MTMR9: variants seen among roughly 807,000 people sequenced by gnomAD.
The protein encoded by MTMR9 is myotubularin related protein 9, also known as myotubularin-related protein 9.
A neutral mutation model predicts 69.5 loss-of-function variants in MTMR9; 39 were observed. The observed-to-expected ratio is 0.56, with a 90% CI of 0.43 to 0.73. The LOEUF is 0.73. MTMR9 is among the 30% of genes least tolerant of loss of function. The pLI is 0.00. For synonymous variants in MTMR9, 354 were observed against 240.8 expected, an observed-to-expected ratio of 1.47 and a Z score of -4.35; for missense variants, 900 against 671.2, an observed-to-expected ratio of 1.34 and a Z score of -3.77.
intron 9 of MTMR9, chr8:11,320,272 G>C: frequency 6.4e-6 from 1 of 155,694 alleles, no homozygotes; most frequent in Non-Finnish European, 1.4e-5. Context: ...TTCTATAAAT[G>C]GGCACAAAAT....
chr8:11,317,153 A>G (rs576320861), intron 8 of MTMR9: 1 of 255,236 alleles, frequency 3.9e-6, no homozygotes, highest in African/African-American at 2.2e-5. Flanking sequence ...ATTTCTTAAC[A>G]TAGGATCATA....
At chr8:11,309,030 A>T (rs776465101) in intron 5 of MTMR9, among the ~76,000 whole-genome samples, 11 of 152,164 alleles carry the variant, frequency 7.2e-5, no homozygotes, top group Non-Finnish European at 1.5e-4. Flanking sequence ...CTATTTTCGC[A>T]CAGTTTCCTC....
At chr8:11,310,818 C>T (rs998029030) in intron 6 of MTMR9, among the ~76,000 whole-genome samples, 5 of 127,644 alleles carry the variant, frequency 3.9e-5, no homozygotes, top group Non-Finnish European at 8.9e-5. Context: ...CCACATTTCT[C>T]AATTTTGCAG....
intron 9 of MTMR9, 22 bp downstream of exon 9, chr8:11,319,860 A>T: frequency 6.2e-7 from 1 of 1,613,124 alleles, no homozygotes; most frequent in Non-Finnish European, 8.5e-7. Flanking sequence ...ATCCTTTGCA[A>T]ACTTCTTAAC....
At chr8:11,285,235 A>T in intron 1 of MTMR9, 165 bp downstream of exon 1, 2 of 629,788 alleles carry the variant, frequency 3.2e-6, no homozygotes, top group South Asian at 2.2e-5. Context: ...ACCCGTCCAG[A>T]TGGAGGACCC....
At chr8:11,297,567 C>T (rs751463027) in intron 2 of MTMR9, among the ~76,000 whole-genome samples, 2 of 150,428 alleles carry the variant, frequency 1.3e-5, no homozygotes, top group African/African-American at 4.9e-5. Context: ...TGGATTTTCA[C>T]TGACCAGTCT....
At chr8:11,329,117 G>T (rs1029077837), downstream of MTMR9, among the ~76,000 whole-genome samples, 2 of 152,116 alleles carry the variant, frequency 1.3e-5, no homozygotes, top group African/African-American at 4.8e-5. Context: ...GCACTCTATT[G>T]TGTTCCATTG....
intron 6 of MTMR9, among the ~76,000 whole-genome samples, chr8:11,312,190 G>A (rs1020491874): frequency 1.3e-5 from 2 of 151,778 alleles, no homozygotes. Flanking sequence ...TACTACAGGT[G>A]CACACCACCA....
chr8:11,310,799 A>G (rs1469803256), intron 6 of MTMR9, among the ~76,000 whole-genome samples: 2 of 142,948 alleles, frequency 1.4e-5, no homozygotes, highest in Non-Finnish European at 3.1e-5. Context: ...TGTAATAAAC[A>G]GTTAATCACC....
At chr8:11,285,219 G>A in intron 1 of MTMR9, 149 bp downstream of exon 1, 1 of 747,168 alleles carries the variant, frequency 1.3e-6, no homozygotes, top group South Asian at 2.0e-5. Context: ...GATTTACCAA[G>A]CTGAAACCCG....
At chr8:11,315,447 C>G (rs929014999) in intron 7 of MTMR9, among the ~76,000 whole-genome samples, 1 of 152,150 alleles carries the variant, frequency 6.6e-6, no homozygotes, top group Non-Finnish European at 1.5e-5. Context: ...GCCTTTTGCT[C>G]GTGCTGCTCC....
chr8:11,302,864 T>A (rs894208887), intron 3 of MTMR9, among the ~76,000 whole-genome samples: 2 of 152,212 alleles, frequency 1.3e-5, no homozygotes, highest in Non-Finnish European at 2.9e-5. Context: ...GAGATGCAGT[T>A]AAAATGCAAC....
intron 1 of MTMR9, among the ~76,000 whole-genome samples, chr8:11,286,430 C>G (rs1199417907): frequency 1.3e-5 from 2 of 151,444 alleles, no homozygotes; most frequent in East Asian, 2.0e-4. Context: ...TTTGGGAGGC[C>G]AAGGTGAGCG....
chr8:11,338,302 G>A, the MTMR9 span, among the ~76,000 whole-genome samples: 11 of 152,328 alleles, frequency 7.2e-5, no homozygotes, highest in Middle Eastern at 3.4e-3. Context: ...GTTGTTCTCC[G>A]GAGTGTCCAG....
chr8:11,286,387 C>T (rs1031493540), intron 1 of MTMR9, among the ~76,000 whole-genome samples: 8 of 151,590 alleles, frequency 5.3e-5, no homozygotes, highest in African/African-American at 1.5e-4. Flanking sequence ...TCAGTGGGCC[C>T]GGCACGGTGG....
At chr8:11,308,140 C>T (rs1004987785) in intron 5 of MTMR9, among the ~76,000 whole-genome samples, 1 of 152,078 alleles carries the variant, frequency 6.6e-6, no homozygotes, top group Non-Finnish European at 1.5e-5. Flanking sequence ...AAGCTTTTTC[C>T]TTATGTTTTC....
In MTMR9 at chr8:11,324,741, C is replaced by A. The variant is rs963955231; in HGVS notation, c.*1953C>A. 2 of 152,266 alleles carry A rather than the reference C, an allele frequency of 1.3e-5. No individual in the cohort carries two copies. The highest frequency in any genetic ancestry group is 2.9e-5 in the Non-Finnish European group (2 of 68,126). The allele number at this position is 152,266 out of a possible 1,614,324, so 9.4% of individuals were successfully genotyped here. A position where few individuals can be genotyped will look rare whatever the true frequency, so the allele number is the denominator to read the frequency against. Reference sequence around the variant, plus strand: ...GTGTGGTGGTGTGTGCCTATAGTCCCAGCCACTAGGAAAGCTGAGGCAGAA... The same window carrying A: ...GTGTGGTGGTGTGTGCCTATAGTCCAAGCCACTAGGAAAGCTGAGGCAGAA... On this transcript the variant is annotated 3_prime_UTR_variant, in exon 10 of 10. Coordinates refer to ENST00000221086, the MANE Select transcript of MTMR9 (RefSeq NM_015458.4).
In MTMR9 at chr8:11,284,925, G is replaced by A. The variant is rs760286739; in HGVS notation, c.37G>A (p.Asp13Asn). 6.2e-7 allele frequency: 1 copy of A among 1,612,412 alleles called. No homozygotes were observed. Among genetic ancestry groups the A allele is most frequent in the Middle Eastern group, 1.7e-4 (1 of 6,056 alleles). Residue 13 changes from aspartate to asparagine, a missense_variant, in exon 1 of 10, where the codon GAC (aspartate) becomes AAC (asparagine). Physicochemically the swap from Asp to Asn is conservative, Grantham distance 23. Coordinates refer to ENST00000221086, the MANE Select transcript of MTMR9 (RefSeq NM_015458.4). ...FAELIKTPRV[D>N]NVVLHRPFYP... Reference sequence around the variant, plus strand: ...GGAGCTGATTAAGACCCCGCGGGTGGACAATGTGGTGCTGCACCGGCCTTT... The same window carrying A: ...GGAGCTGATTAAGACCCCGCGGGTGAACAATGTGGTGCTGCACCGGCCTTT...
intron 9 of MTMR9, chr8:11,321,412 G>A: frequency 2.2e-6 from 1 of 455,236 alleles, no homozygotes; most frequent in African/African-American, 2.0e-5. Flanking sequence ...TTTAATAACT[G>A]AAATGAGCGT....
Sources: allele counts gnomAD v4.1 joint callset (sites outside exome capture counted in the v4.1 genomes callset), GRCh38; gene constraint gnomAD v4.1.1; transcripts MANE v1.5; gene names NCBI Gene and HGNC (gene_info 2026-07-23, HGNC 2026-07-21).